SUCLG2: variants seen among roughly 807,000 people sequenced by gnomAD.
The protein encoded by SUCLG2 is succinate--CoA ligase [GDP-forming] subunit beta, mitochondrial.
SUCLG2 carries 42 observed loss-of-function variants against 47.9 expected under a neutral mutation model. The observed-to-expected ratio is 0.88, with a 90% CI of 0.69 to 1.14. SUCLG2 has a LOEUF of 1.14. SUCLG2 is among the 50% of genes most tolerant of loss of function. SUCLG2 has a pLI of 0.00. For missense variants in SUCLG2, 571 were observed against 525.9 expected (o/e 1.09, Z -0.84); for synonymous variants, 195 against 197.3 (o/e 0.99, Z 0.10).
rs550903572 is a variant in SUCLG2, at chr3:67,417,575, G to A, written c.1063-16724C>T. Among the ~76,000 whole-genome samples, 92 of 152,300 alleles carry A rather than the reference G, an allele frequency of 6.0e-4. No individual in the cohort carries two copies. The South Asian group carries it at 6.4e-3, about 11-fold the overall frequency. On this transcript the variant is annotated intron_variant, in intron 9 of 10. Transcript: ENST00000307227. ...ACTAGTTTCTCAAAACTAAAAATCGGAGTGGAAATGAAAATCTGATTCTTT... is the reference window on the plus strand; with the variant it reads ...ACTAGTTTCTCAAAACTAAAAATCGAAGTGGAAATGAAAATCTGATTCTTT...
chr3:67,416,855 A>G (rs528553060), intron 9 of SUCLG2, among the ~76,000 whole-genome samples: 2 of 152,348 alleles, frequency 1.3e-5, no homozygotes, highest in South Asian at 2.1e-4. Context: ...TAGTGCTACA[A>G]TAAGTGAATT....
chr3:67,599,232 A>G (rs938433731), intron 2 of SUCLG2, among the ~76,000 whole-genome samples: 1 of 152,208 alleles, frequency 6.6e-6, no homozygotes, highest in East Asian at 1.9e-4. Flanking sequence ...ATTTGAATTC[A>G]AGGCGAACTC....
chr3:67,589,220 C>T (rs921250315), intron 2 of SUCLG2, among the ~76,000 whole-genome samples: 9 of 152,208 alleles, frequency 5.9e-5, no homozygotes, highest in Non-Finnish European at 1.3e-4. Context: ...CCCTTGGTCC[C>T]ACCCTTATTT....
rs141906135 is a variant in SUCLG2 at position 67,596,175 on chromosome 3, G to A, written c.226+13280C>T. On this transcript the variant is annotated intron_variant, in intron 2 of 10. Coordinates refer to ENST00000307227, the MANE Select transcript of SUCLG2 (RefSeq NM_003848.4). ...TTTATTTAAAGTAGTATCCCTTGAC[G>A]GGTTGTCTATAGGATCTATCTCAGA... is the stretch of plus-strand genomic sequence containing the variant. Among the ~76,000 whole-genome samples the A allele has an allele frequency of 9.2e-5, 14 of 152,246 alleles. No homozygotes were observed. In the East Asian group the frequency reaches 1.6e-3, roughly 17 times the overall value.
In SUCLG2 at chr3:67,376,174, A is replaced by C. The variant is rs1013813567; in HGVS notation, c.1184-315T>G. On this transcript the variant is annotated intron_variant, in intron 10 of 10. Transcript: ENST00000307227. ...GCGGTTTTGGCCCACACCAGAAGTC[A>C]CTTGTCTTAAAGCCCTCTCAGACGT... 78 of 984,752 alleles carry C rather than the reference A, an allele frequency of 7.9e-5. No homozygotes were observed. In the African/African-American group the frequency reaches 1.1e-3, roughly 13 times the overall value. The allele number at this position is 984,752 out of a possible 1,614,324, so 61.0% of individuals were successfully genotyped here.
intron 1 of SUCLG2, 26 bp downstream of exon 1, chr3:67,654,477 C>G: frequency 2.4e-6 from 3 of 1,231,818 alleles, no homozygotes; most frequent in Non-Finnish European, 3.0e-6. Flanking sequence ...GCTGCTGGCG[C>G]CCGCAGCTCC....
chr3:67,381,712 T>C (rs529440790), intron 10 of SUCLG2, among the ~76,000 whole-genome samples: 129 of 152,306 alleles, frequency 8.5e-4, no homozygotes, highest in African/African-American at 3.1e-3. Context: ...AATGGTTATC[T>C]ACCCACTGCA....
intron 9 of SUCLG2, among the ~76,000 whole-genome samples, chr3:67,451,698 G>T (rs1270222681): frequency 6.6e-6 from 1 of 152,050 alleles, no homozygotes; most frequent in Non-Finnish European, 1.5e-5. Flanking sequence ...ATTATAGTTG[G>T]AGTTAATTTT....
At chr3:67,575,780 G>T (rs1707726495) in intron 2 of SUCLG2, among the ~76,000 whole-genome samples, 1 of 152,032 alleles carries the variant, frequency 6.6e-6, no homozygotes, top group Non-Finnish European at 1.5e-5. Flanking sequence ...TGTGTTCTTG[G>T]GAAATTATTA....
chr3:67,537,816 G>C lies in SUCLG2; in HGVS notation c.227-8630C>G, dbSNP rs1706587335. On this transcript the variant is annotated intron_variant, in intron 2 of 10. Transcript: ENST00000307227. ...TGGTTTTGATTTGCATTTCTCTAAA[G>C]ACCAGTGATGATAAGCTTTTTTTCA... Among the ~76,000 whole-genome samples the C allele has an allele frequency of 2.6e-5, 4 of 152,322 alleles. No homozygotes were observed. The South Asian group carries it at 8.3e-4, about 32-fold the overall frequency.
intron 1 of SUCLG2, among the ~76,000 whole-genome samples, chr3:67,621,475 A>G (rs1700735799): frequency 6.6e-6 from 1 of 152,196 alleles, no homozygotes; most frequent in Non-Finnish European, 1.5e-5. Flanking sequence ...AACTGGCCTT[A>G]TAGTTTGAAT....
chr3:67,467,033 T>C (rs1704490455), intron 9 of SUCLG2, among the ~76,000 whole-genome samples: 1 of 152,218 alleles, frequency 6.6e-6, no homozygotes, highest in Non-Finnish European at 1.5e-5. Flanking sequence ...GAATATTTAA[T>C]TTGTTTTGAA....
At chr3:67,648,840 C>T (rs1464366802) in intron 1 of SUCLG2, among the ~76,000 whole-genome samples, 4 of 152,172 alleles carry the variant, frequency 2.6e-5, no homozygotes, top group Non-Finnish European at 5.9e-5. Context: ...GTGCACCCTA[C>T]TCATTGACTG....
chr3:67,409,979 G>T (rs1183053691), intron 9 of SUCLG2, among the ~76,000 whole-genome samples: 2 of 152,134 alleles, frequency 1.3e-5, no homozygotes, highest in Non-Finnish European at 1.5e-5. Context: ...CCTAAGTAAT[G>T]CTCCTTGAAA....
chr3:67,547,315 A>G lies in SUCLG2; in HGVS notation c.227-18129T>C, dbSNP rs151312879. Among the ~76,000 whole-genome samples the G allele has an allele frequency of 1.6e-3, 241 of 152,372 alleles. 2 individuals carry two copies. The highest frequency in any genetic ancestry group is 6.8e-3 in the Middle Eastern group (2 of 294). ...TATGAGAAACAAATTTCTGTTGTTT[A>G]TAGGCCACCCAGTCTCTGGTATTTC... On this transcript the variant is annotated intron_variant, in intron 2 of 10. Coordinates refer to ENST00000307227, the MANE Select transcript of SUCLG2 (RefSeq NM_003848.4).
At chr3:67,638,657 T>G (rs1701048053) in intron 1 of SUCLG2, among the ~76,000 whole-genome samples, 1 of 152,182 alleles carries the variant, frequency 6.6e-6, no homozygotes, top group Admixed American at 6.5e-5. Flanking sequence ...GGAAAGCCTT[T>G]ATAGCAAGCA....
At chr3:67,514,788 C>T (rs904874028) in intron 6 of SUCLG2, among the ~76,000 whole-genome samples, 8 of 152,294 alleles carry the variant, frequency 5.3e-5, no homozygotes, top group Admixed American at 3.9e-4. Context: ...AAGTCACTGA[C>T]GGATTACAAC....
chr3:67,545,294 A>G (rs1472976696), intron 2 of SUCLG2, among the ~76,000 whole-genome samples: 1 of 152,174 alleles, frequency 6.6e-6, no homozygotes, highest in African/African-American at 2.4e-5. Flanking sequence ...TTTGTCTTCA[A>G]TTTTAAAGTT....
At chr3:67,413,796 G>A (rs766119746) in intron 9 of SUCLG2, among the ~76,000 whole-genome samples, 9 of 152,162 alleles carry the variant, frequency 5.9e-5, no homozygotes, top group Non-Finnish European at 1.2e-4. Context: ...ATATGCTAGA[G>A]CTTCCTTTTG....
Sources: allele counts gnomAD v4.1 joint callset (sites outside exome capture counted in the v4.1 genomes callset), GRCh38; gene constraint gnomAD v4.1.1; transcripts MANE v1.5; gene names NCBI Gene and HGNC (gene_info 2026-07-23, HGNC 2026-07-21).